CDH17: variants seen among roughly 807,000 people sequenced by gnomAD.
CDH17 encodes cadherin-17.
CDH17 carries 67 observed loss-of-function variants against 86.3 expected under a neutral mutation model. The observed-to-expected ratio is 0.78, with a 90% CI of 0.64 to 0.95. The LOEUF (loss-of-function observed/expected upper bound fraction) is 0.95. Ranked by LOEUF, CDH17 falls within the 40% of genes least tolerant of loss-of-function variation. The probability of loss-of-function intolerance (pLI) is 0.00; values close to 1 mark genes in which losing one functional copy is unlikely to be tolerated. For missense variants in CDH17, 993 were observed against 1,017.6 expected, an observed-to-expected ratio of 0.98 and a Z score of 0.33; for synonymous variants, 367 against 366.4, an observed-to-expected ratio of 1.00 and a Z score of -0.02.
chr8:94,177,587 C>T lies in CDH17; in HGVS notation c.285G>A (p.Gln95=). 6.2e-7 allele frequency: 1 copy of T among 1,613,642 alleles called. No homozygotes were observed. ...ATCCCTTCAGCTGGTATCAATTTAC[C>T]TGGAGATTGTGAGTAGATCTTGTTT... ...DRETRSTHNL[Q]VAALDANGII... The change falls in exon 4 of 18, where the codon CAG becomes CAA. Residue 95 remains glutamine (Q), a splice_region_variant and synonymous_variant. Transcript: ENST00000027335.
chr8:94,145,331 G>C lies in CDH17; in HGVS notation c.2167+597C>G, dbSNP rs191453202. On this transcript the variant is annotated intron_variant, in intron 15 of 17. Coordinates refer to ENST00000027335, the MANE Select transcript of CDH17 (RefSeq NM_004063.4). ...AAGTACTGATGCATGTAACAACACC[G>C]ATACATCTCAAAATACTGAGATGAA... Among the ~76,000 whole-genome samples, 2 of 152,052 alleles carry C rather than the reference G, an allele frequency of 1.3e-5. 1 individual carries two copies. Among genetic ancestry groups the C allele is most frequent in the Non-Finnish European group, 2.9e-5 (2 of 68,006 alleles).
At chr8:94,166,332 C>T (rs985284044) in intron 9 of CDH17, among the ~76,000 whole-genome samples, 2 of 152,178 alleles carry the variant, frequency 1.3e-5, no homozygotes, top group Non-Finnish European at 2.9e-5. Flanking sequence ...CAGCACCTTC[C>T]TTCTGAACCT....
Position 94,137,269 on chromosome 8 carries a change from T to C in CDH17, c.2168-6277A>G, listed in dbSNP as rs549001170. On this transcript the variant is annotated intron_variant, in intron 15 of 17. Transcript: ENST00000027335. Reference sequence around the variant, plus strand: ...ATAGAAATGGAGTCTATAGAGGCAGTAGGCCTTGTTGAGCTGCTGTAGCCT... The same window carrying C: ...ATAGAAATGGAGTCTATAGAGGCAGCAGGCCTTGTTGAGCTGCTGTAGCCT... Among the ~76,000 whole-genome samples the C allele has an allele frequency of 8.2e-4, 125 of 152,324 alleles. 1 individual carries two copies. The highest frequency in any genetic ancestry group is 2.9e-3 in the African/African-American group (120 of 41,580).
chr8:94,137,590 C>T (rs946537221), intron 15 of CDH17, among the ~76,000 whole-genome samples: 1 of 152,138 alleles, frequency 6.6e-6, no homozygotes, highest in Admixed American at 6.5e-5. Context: ...CACCCTTGTG[C>T]TTCCTAGGTG....
At chr8:94,177,228 C>T (rs561177558) in intron 4 of CDH17, among the ~76,000 whole-genome samples, 1 of 152,284 alleles carries the variant, frequency 6.6e-6, no homozygotes, top group East Asian at 1.9e-4. Flanking sequence ...ATACAGCCTT[C>T]TTCATGGGTC....
chr8:94,132,918 T>C (rs1812447718), intron 15 of CDH17, among the ~76,000 whole-genome samples: 2 of 152,328 alleles, frequency 1.3e-5, no homozygotes, highest in South Asian at 4.1e-4. Flanking sequence ...ATTTATTAAA[T>C]AGGGAATCCT....
intron 3 of CDH17, among the ~76,000 whole-genome samples, chr8:94,179,175 C>T (rs2340032): frequency 0.19 from 28,769 of 151,936 alleles, 3,278 homozygotes; most frequent in Non-Finnish European, 0.25. Context: ...GGGTGAGAAG[C>T]GTTTGTAGCT....
chr8:94,200,544 T>G lies in CDH17; in HGVS notation c.-20-5839A>C, dbSNP rs1176302659. 1.0e-3 allele frequency among the ~76,000 whole-genome samples: 142 copies of G among 140,344 alleles called. 2 individuals carry two copies. Among genetic ancestry groups the G allele is most frequent in the Middle Eastern group, 7.0e-3 (2 of 286 alleles). 92.1% of individuals were successfully genotyped at this position (140,344 alleles called of 152,430 possible). A position where few individuals can be genotyped will look rare whatever the true frequency, so the allele number is the denominator to read the frequency against. On this transcript the variant is annotated intron_variant, in intron 1 of 17. Coordinates refer to ENST00000027335, the MANE Select transcript of CDH17 (RefSeq NM_004063.4). The stretch of plus-strand genomic sequence containing the variant: ...TTATTATTATTATCTTTTGTTTTTT[T>G]TTTTTTTTTTTTTTTTTTTTTTTTA...
intron 15 of CDH17, among the ~76,000 whole-genome samples, chr8:94,140,298 C>G (rs1241811387): frequency 7.2e-6 from 1 of 138,946 alleles, no homozygotes; most frequent in Non-Finnish European, 1.7e-5. Flanking sequence ...AGTGTGGTAG[C>G]TCATACGTGT....
chr8:94,199,083 A>ATT (rs71510475), intron 1 of CDH17, among the ~76,000 whole-genome samples: 506 of 23,020 alleles, frequency 0.022, 1 homozygote, highest in Admixed American at 0.062. Flanking sequence ...ATATATATAT[A>ATT]TTTTTTTTTT....
At chr8:94,208,964 A>C (rs1814080271), upstream of CDH17, among the ~76,000 whole-genome samples, 1 of 152,230 alleles carries the variant, frequency 6.6e-6, no homozygotes, top group South Asian at 2.1e-4. Context: ...AAGACGGAGC[A>C]GGGGCGCCAT....
At chr8:94,178,942 C>T (rs188445648) in intron 3 of CDH17, among the ~76,000 whole-genome samples, 3 of 151,708 alleles carry the variant, frequency 2.0e-5, no homozygotes, top group Non-Finnish European at 1.5e-5. Flanking sequence ...CAGAAAACTG[C>T]TCCTCCATAA....
intron 9 of CDH17, among the ~76,000 whole-genome samples, chr8:94,166,324 G>A (rs1254436900): frequency 6.6e-6 from 1 of 152,168 alleles, no homozygotes. Flanking sequence ...TGCCTTCACA[G>A]CACCTTCCTT....
chr8:94,207,275 A>T (rs533461084), intron 1 of CDH17, among the ~76,000 whole-genome samples: 1 of 152,298 alleles, frequency 6.6e-6, no homozygotes, highest in East Asian at 1.9e-4. Flanking sequence ...TTCTCAATTC[A>T]TCCTGAGTCA....
chr8:94,143,486 G>T (rs1812677439), intron 15 of CDH17, among the ~76,000 whole-genome samples: 1 of 152,120 alleles, frequency 6.6e-6, no homozygotes, highest in South Asian at 2.1e-4. Flanking sequence ...AGCTGCATTA[G>T]CCCTAACAAG....
intron 12 of CDH17, among the ~76,000 whole-genome samples, chr8:94,157,914 C>G (rs3779690): frequency 6.6e-6 from 1 of 152,148 alleles, no homozygotes; most frequent in African/African-American, 2.4e-5. Context: ...TGTTTGGTTA[C>G]GAGTATAGTG....
intron 12 of CDH17, among the ~76,000 whole-genome samples, chr8:94,153,979 A>G (rs1284940337): frequency 1.3e-5 from 2 of 152,230 alleles, no homozygotes; most frequent in Non-Finnish European, 2.9e-5. Context: ...ACGTGGTACT[A>G]TAGTTAACAA....
intron 1 of CDH17, among the ~76,000 whole-genome samples, chr8:94,215,879 T>A (rs895832669): frequency 4.6e-5 from 7 of 150,682 alleles, no homozygotes; most frequent in Admixed American, 2.0e-4. Flanking sequence ...TTTTTTTTTT[T>A]AACTAATTTT....
rs114045138 is a variant in CDH17 at position 94,143,371 on chromosome 8, G to C, written c.2167+2557C>G. On this transcript the variant is annotated intron_variant, in intron 15 of 17. Transcript: ENST00000027335. ...ACAGATGTGCTGTCATCTGGGCTTT[G>C]TTGTTCCATTGACAGAGCACAGACA... Among the ~76,000 whole-genome samples the C allele has an allele frequency of 3.6e-3, 554 of 152,290 alleles. 5 individuals carry two copies. The highest frequency in any genetic ancestry group is 0.013 in the African/African-American group (526 of 41,572).
Sources: allele counts gnomAD v4.1 joint callset (sites outside exome capture counted in the v4.1 genomes callset), GRCh38; gene constraint gnomAD v4.1.1; transcripts MANE v1.5; gene names NCBI Gene and HGNC (gene_info 2026-07-23, HGNC 2026-07-21).